FCHSD1: variants seen among roughly 807,000 people sequenced by gnomAD.
FCHSD1 encodes F-BAR and double SH3 domains protein 1.
In FCHSD1, 109 loss-of-function variants were observed where a neutral mutation model predicts 101.3. The ratio of observed to expected loss-of-function variants is 1.08; its 90% CI spans 0.92 to 1.26. The LOEUF (loss-of-function observed/expected upper bound fraction) is 1.26, where lower values mean the gene tolerates loss of function less well. Among genes scored for constraint, FCHSD1 ranks in the 50% most tolerant of loss-of-function variants. FCHSD1 has a pLI of 0.00. For synonymous variants in FCHSD1, 291 were observed against 356.8 expected (o/e 0.82, Z 2.08); for missense variants, 820 against 895.8 (o/e 0.92, Z 1.08).
chr5:141,649,828 G>T lies in FCHSD1; in HGVS notation c.233+59C>A. 1 of 1,521,542 alleles carries T rather than the reference G, an allele frequency of 6.6e-7. No individual in the cohort carries two copies. Among genetic ancestry groups the T allele is most frequent in the Non-Finnish European group, 8.8e-7 (1 of 1,134,516 alleles). 94.3% of individuals were successfully genotyped at this position (1,521,542 alleles called of 1,614,324 possible). ...TAGGCCTTCATCCCCACAGGTTCCTGGGGCTGAGCTCCCCATCACTTTTTG... is the reference window on the plus strand; with the variant it reads ...TAGGCCTTCATCCCCACAGGTTCCTTGGGCTGAGCTCCCCATCACTTTTTG... On this transcript the variant is annotated intron_variant, in intron 4 of 19. Transcript: ENST00000435817. The surrounding 1 kb of genome is among the most constrained non-coding windows in gnomAD (Gnocchi z 4.1).
chr5:141,651,113 T>G lies in FCHSD1; in HGVS notation c.26A>C (p.Lys9Thr). 1 of 1,585,190 alleles carries G rather than the reference T, an allele frequency of 6.3e-7. No homozygotes were observed. Among genetic ancestry groups the G allele is most frequent in the Non-Finnish European group, 8.6e-7 (1 of 1,165,074 alleles). The change falls in exon 2 of 20, where the codon AAG becomes ACG. Residue 9 changes from lysine (K) to threonine (T), a missense_variant. By Grantham distance (78) the Lys-to-Thr change is moderately conservative. Transcript: ENST00000435817. Reference protein sequence around the residue: MQPPPRKVKPAQEVKLRFL... With the variant: MQPPPRKVTPAQEVKLRFL... ...GCGAAGCTTCACCTCCTGGGCCGGCTTCACCTGTGGGGGCAAAGAGAGGAT... is the reference window on the plus strand; with the variant it reads ...GCGAAGCTTCACCTCCTGGGCCGGCGTCACCTGTGGGGGCAAAGAGAGGAT...
chr5:141,643,844 G>A (rs1400575127), intron 17 of FCHSD1, among the ~76,000 whole-genome samples: 3 of 138,136 alleles, frequency 2.2e-5, no homozygotes, highest in Non-Finnish European at 4.6e-5. Flanking sequence ...GCGAAACTCT[G>A]TCTCAAAAAA....
chr5:141,642,094 C>T, intron 18 of FCHSD1: 1 of 514,902 alleles, frequency 1.9e-6, no homozygotes, highest in Non-Finnish European at 3.5e-6. Context: ...ATGGTGGTAA[C>T]TCCAGGGAGG....
At chr5:141,642,953 T>G in intron 18 of FCHSD1, 48 bp downstream of exon 18, 3 of 1,529,730 alleles carry the variant, frequency 2.0e-6, no homozygotes, top group Middle Eastern at 1.8e-4. Context: ...AGCTTCCTCC[T>G]TCTTCCTGTC....
intron 7 of FCHSD1, among the ~76,000 whole-genome samples, chr5:141,648,395 A>G (rs2099907937): frequency 6.6e-6 from 1 of 152,132 alleles, no homozygotes; most frequent in Non-Finnish European, 1.5e-5. Flanking sequence ...ACAGTACTCC[A>G]GCCATACTGG....
At chr5:141,642,284 G>A (rs2099907011) in intron 18 of FCHSD1, 1 of 582,930 alleles carries the variant, frequency 1.7e-6, no homozygotes, top group East Asian at 3.0e-5. Context: ...TCACTTATAA[G>A]TGGGAGCTAA....
At chr5:141,644,834 T>G (rs1485975430) in intron 15 of FCHSD1, 25 bp downstream of exon 15, 4 of 1,611,186 alleles carry the variant, frequency 2.5e-6, no homozygotes, top group Non-Finnish European at 3.4e-6. Flanking sequence ...CAACCCAAGG[T>G]CAGAGCCCGG....
rs762614109 is a variant in FCHSD1, at chr5:141,651,386, G to A, written c.-18C>T. 37 of 1,551,960 alleles carry A rather than the reference G, an allele frequency of 2.4e-5. No individual in the cohort carries two copies. In the African/African-American group the frequency reaches 4.5e-4, roughly 19 times the overall value. ...GGCTGCATCTCCGCTCCAGCAAGGC[G>A]GTCAGCCACTGGACTCCGGAACTGG... On this transcript the variant is annotated 5_prime_UTR_variant, in exon 1 of 20. Coordinates refer to ENST00000435817, the MANE Select transcript of FCHSD1 (RefSeq NM_033449.3).
At chr5:141,643,216 C>A in intron 17 of FCHSD1, 128 bp from the exon 18 acceptor site, 1 of 543,090 alleles carries the variant, frequency 1.8e-6, no homozygotes. Flanking sequence ...TGCTTGCATT[C>A]GGTGGGGGGG....
At chr5:141,641,932 T>G in intron 18 of FCHSD1, 175 bp from the exon 19 acceptor site, 1 of 683,688 alleles carries the variant, frequency 1.5e-6, no homozygotes, top group Non-Finnish European at 2.5e-6. Flanking sequence ...AACTGCTGTA[T>G]AATCAGCTCT....
chr5:141,650,708 T>C (rs552274097), intron 2 of FCHSD1, among the ~76,000 whole-genome samples: 74 of 152,160 alleles, frequency 4.9e-4, no homozygotes, highest in Non-Finnish European at 9.7e-4. Context: ...TCTGCCAGCC[T>C]TCCAACAGGT....
In FCHSD1 at chr5:141,649,570, C is replaced by A; in HGVS notation, c.234-34G>T. Reference sequence around the variant, plus strand: ...AGAAGGTCTGTGTTGAGGAGGAGAGCACTCCACAGCTTCATGAGACCACCC... The same window carrying A: ...AGAAGGTCTGTGTTGAGGAGGAGAGAACTCCACAGCTTCATGAGACCACCC... On this transcript the variant is annotated intron_variant, in intron 4 of 19. Transcript: ENST00000435817. This position sits in a 1 kb window ranked among gnomAD's most constrained non-coding sequence, Gnocchi z 4.1. The A allele has an allele frequency of 6.3e-7, 1 of 1,595,776 alleles. No homozygotes were observed. Among genetic ancestry groups the A allele is most frequent in the Non-Finnish European group, 8.5e-7 (1 of 1,172,032 alleles).
At chr5:141,650,447 A>G in intron 2 of FCHSD1, 43 bp from the exon 3 acceptor site, 3 of 1,613,134 alleles carry the variant, frequency 1.9e-6, no homozygotes, top group Non-Finnish European at 2.5e-6. Flanking sequence ...GGATAAGGTT[A>G]TGTTTGGTCC....
rs761989219 is a variant in FCHSD1 at position 141,645,768 on chromosome 5, C to T, written c.1311+3G>A. 5.0e-6 allele frequency: 8 copies of T among 1,610,074 alleles called. No individual in the cohort carries two copies. The highest frequency in any genetic ancestry group is 4.2e-6 in the Non-Finnish European group (5 of 1,177,936). On this transcript the variant is annotated splice_donor_region_variant and intron_variant, in intron 13 of 19. Transcript: ENST00000435817. The stretch of plus-strand genomic sequence containing the variant: ...GATGGGTAGTGTTGGGGGAGGAGCT[C>T]ACGGTTGGAGAGAGGTCCCTCTGGG...
At chr5:141,647,632 AAGAC>A in intron 8 of FCHSD1, 112 bp from the exon 9 acceptor site, 1 of 1,513,370 alleles carries the variant, frequency 6.6e-7, no homozygotes, top group Non-Finnish European at 8.9e-7. Context: ...AGGAGAGAAG[AAGAC>A]ATTCTTCATG....
chr5:141,650,958 T>G, intron 2 of FCHSD1, 62 bp downstream of exon 2: 1 of 1,438,288 alleles, frequency 7.0e-7, no homozygotes, highest in Non-Finnish European at 9.6e-7. Flanking sequence ...CACATGTATA[T>G]TGGGGAGAAG....
intron 13 of FCHSD1, 51 bp from the exon 14 acceptor site, chr5:141,645,199 T>G (rs537364155): frequency 6.6e-7 from 1 of 1,513,378 alleles, no homozygotes; most frequent in Admixed American, 2.3e-5. Flanking sequence ...CAAGCACTGG[T>G]TCTATCTCCC....
intron 18 of FCHSD1, 88 bp from the exon 19 acceptor site, chr5:141,641,845 T>C: frequency 7.4e-7 from 1 of 1,354,256 alleles, no homozygotes; most frequent in African/African-American, 1.4e-5. Flanking sequence ...ATTCTATAAA[T>C]ATTTGTTAAA....
chr5:141,648,064 C>T lies in FCHSD1; in HGVS notation c.609G>A (p.Gln203=). 6.2e-7 allele frequency: 1 copy of T among 1,613,512 alleles called. No individual in the cohort carries two copies. The highest frequency in any genetic ancestry group is 8.5e-7 in the Non-Finnish European group (1 of 1,179,612). ...GGTACTCATTGCGGGCTGCTTGCAG[C>T]TGCTGGGAGTACTGGGCTGACTGGG... is the stretch of plus-strand genomic sequence containing the variant. ...LSAQSAQYSQ[Q]LQAARNEYLL... Residue 203 remains glutamine (Q), a synonymous_variant, in exon 8 of 20, where the codon CAG becomes CAA. Transcript: ENST00000435817.
Sources: allele counts gnomAD v4.1 joint callset (sites outside exome capture counted in the v4.1 genomes callset), GRCh38; gene constraint gnomAD v4.1.1; non-coding constraint Gnocchi (gnomAD v3.1); transcripts MANE v1.5; gene names NCBI Gene and HGNC (gene_info 2026-07-23, HGNC 2026-07-21).